The following SHROOM1 variants were observed in gnomAD, a reference collection of about 807,000 sequenced individuals.
SHROOM1 encodes the protein shroom family member 1.
A neutral mutation model predicts 64.2 loss-of-function variants in SHROOM1; 53 were observed. The observed-to-expected ratio is 0.83, with a 90% CI of 0.66 to 1.04. The LOEUF (loss-of-function observed/expected upper bound fraction) is 1.04, where lower values mean the gene tolerates loss of function less well. Ranked by LOEUF, SHROOM1 falls within the 50% of genes least tolerant of loss-of-function variation. SHROOM1 has a pLI of 0.00. For missense variants in SHROOM1, 1,179 were observed against 1,163.2 expected (o/e 1.01, Z -0.20); for synonymous variants, 490 against 518.9 (o/e 0.94, Z 0.76).
At chr5:132,824,573 T>C in intron 6 of SHROOM1, 42 bp downstream of exon 6, 1 of 1,577,492 alleles carries the variant, frequency 6.3e-7, no homozygotes, top group East Asian at 2.2e-5. Flanking sequence ...GATGTGTGTG[T>C]CAGGGGGTGC....
At position 132,824,307 on chromosome 5, in the gene SHROOM1, C is replaced by T. The variant is rs1255904489; in HGVS notation, c.1354G>A (p.Asp452Asn). Residue 452 changes from aspartate to asparagine, a missense_variant, in exon 7 of 10, where the codon GAC becomes AAC. Coordinates refer to ENST00000378679, the MANE Select transcript of SHROOM1 (RefSeq NM_001172700.2). The part of the protein sequence containing the change: ...HECPGTAGAD[D>N]CWQGVNGSVG... ...GAACCATTCACCCCCTGCCAGCAGT[C>T]ATCTGCCCCTGCAGTTCCTGGACAC... The T allele has an allele frequency of 3.1e-6, 5 of 1,613,398 alleles. No homozygotes were observed. Among genetic ancestry groups the T allele is most frequent in the Admixed American group, 1.7e-5 (1 of 59,978 alleles).
At position 132,825,123 on chromosome 5, in the gene SHROOM1, G is replaced by A; in HGVS notation, c.978+40C>T. The A allele has an allele frequency of 6.2e-7, 1 of 1,614,088 alleles. No homozygotes were observed. The highest frequency in any genetic ancestry group is 8.5e-7 in the Non-Finnish European group (1 of 1,179,992). ...AATGTGGCTCAAGTTTTGTTTCCCAGATGCTCCCCTCACCAGCCTGCATCT... is the reference window on the plus strand; with the variant it reads ...AATGTGGCTCAAGTTTTGTTTCCCAAATGCTCCCCTCACCAGCCTGCATCT... On this transcript the variant is annotated intron_variant, in intron 4 of 9. Transcript: ENST00000378679. This position sits in a 1 kb window ranked among gnomAD's most constrained non-coding sequence, Gnocchi z 5.1.
chr5:132,822,712 G>A lies in SHROOM1; in HGVS notation c.*84C>T, dbSNP rs371543075. 2 of 1,431,116 alleles carry A rather than the reference G, an allele frequency of 1.4e-6. No individual in the cohort carries two copies. Among genetic ancestry groups the A allele is most frequent in the African/African-American group, 2.9e-5 (2 of 69,900 alleles). 88.7% of individuals were successfully genotyped at this position (1,431,116 alleles called of 1,614,324 possible). A position where few individuals can be genotyped will look rare whatever the true frequency, so the allele number is the denominator to read the frequency against. On this transcript the variant is annotated 3_prime_UTR_variant, in exon 10 of 10. Coordinates refer to ENST00000378679, the MANE Select transcript of SHROOM1 (RefSeq NM_001172700.2). ...GACTGGGTCCTCCCCAATCCCTCAA[G>A]GGAAAAGCAGAGACTAAATCAGCAT...
In SHROOM1 at chr5:132,826,021, G is replaced by T. The variant is rs374646590; in HGVS notation, c.120C>A (p.Ser40=). 4.3e-5 allele frequency: 66 copies of T among 1,531,210 alleles called. No individual in the cohort carries two copies. The African/African-American group carries it at 8.1e-4, about 19-fold the overall frequency. The allele number at this position is 1,531,210 out of a possible 1,614,324, so 94.9% of individuals were successfully genotyped here. Residue 40 remains serine (S), a synonymous_variant, in exon 4 of 10, where the codon TCC becomes TCA. Coordinates refer to ENST00000378679, the MANE Select transcript of SHROOM1 (RefSeq NM_001172700.2). Reference sequence around the variant, plus strand: ...ACTGCGTGCGCGGCTCGGGGCCGCCGGAGGCTGCGGAGAAAGAGCTGTAGG... The same window carrying T: ...ACTGCGTGCGCGGCTCGGGGCCGCCTGAGGCTGCGGAGAAAGAGCTGTAGG... ...DSAYSSFSAA[S]GGPEPRTQSP...
chr5:132,825,122 A>T lies in SHROOM1; in HGVS notation c.978+41T>A, dbSNP rs1758618843. 1 of 1,613,970 alleles carries T rather than the reference A, an allele frequency of 6.2e-7. No individual in the cohort carries two copies. Among genetic ancestry groups the T allele is most frequent in the South Asian group, 1.1e-5 (1 of 91,060 alleles). ...AAATGTGGCTCAAGTTTTGTTTCCCAGATGCTCCCCTCACCAGCCTGCATC... is the reference window on the plus strand; with the variant it reads ...AAATGTGGCTCAAGTTTTGTTTCCCTGATGCTCCCCTCACCAGCCTGCATC... On this transcript the variant is annotated intron_variant, in intron 4 of 9. Transcript: ENST00000378679. The surrounding 1 kb of genome is among the most constrained non-coding windows in gnomAD (Gnocchi z 5.1).
At chr5:132,828,117 G>T (rs1758759022) in intron 1 of SHROOM1, among the ~76,000 whole-genome samples, 1 of 152,208 alleles carries the variant, frequency 6.6e-6, no homozygotes, top group African/African-American at 2.4e-5. Flanking sequence ...GGACCAAAAA[G>T]CAGGCTTATT....
chr5:132,829,056 G>A (rs1307491085), intron 1 of SHROOM1, among the ~76,000 whole-genome samples: 1 of 152,260 alleles, frequency 6.6e-6, no homozygotes, highest in African/African-American at 2.4e-5. Context: ...GCCTGTGCCG[G>A]CTGCTGAAAG....
In SHROOM1 at chr5:132,825,595, AGTCGCCGGG is replaced by A; in HGVS notation, c.537_545del (p.Pro180_Thr182del). The A allele has an allele frequency of 7.2e-7, 1 of 1,383,464 alleles. No homozygotes were observed. The highest frequency in any genetic ancestry group is 1.6e-5 in the South Asian group (1 of 60,942). The allele number at this position is 1,383,464 out of a possible 1,614,324, so 85.7% of individuals were successfully genotyped here. A position where few individuals can be genotyped will look rare whatever the true frequency, so the allele number is the denominator to read the frequency against. ...GGCTGAGCGAGGCGGAGCGCGGGTG[AGTCGCCGGG>A]GGCCGCGCTGGGACAGTGGGCCGCA... On this transcript the variant is annotated inframe_deletion, in exon 4 of 10. Transcript: ENST00000378679. This position sits in a 1 kb window ranked among gnomAD's most constrained non-coding sequence, Gnocchi z 5.1.
Position 132,825,737 on chromosome 5 carries a change from G to A in SHROOM1, c.404C>T (p.Pro135Leu). 1 of 1,264,174 alleles carries A rather than the reference G, an allele frequency of 7.9e-7. No individual in the cohort carries two copies. The highest frequency in any genetic ancestry group is 3.1e-5 in the South Asian group (1 of 32,400). 78.3% of individuals were successfully genotyped at this position (1,264,174 alleles called of 1,614,324 possible). The change falls in exon 4 of 10, where the codon CCG (proline) becomes CTG (leucine). Residue 135 changes from proline to leucine, a missense_variant. Physicochemically the swap from Pro to Leu is moderately conservative, Grantham distance 98. Coordinates refer to ENST00000378679, the MANE Select transcript of SHROOM1 (RefSeq NM_001172700.2). The surrounding 1 kb of genome is among the most constrained non-coding windows in gnomAD (Gnocchi z 5.1). ...AAQAAEPPSPPASRAAYRQRL... is the reference protein window; with the variant it reads ...AAQAAEPPSPLASRAAYRQRL... ...CTGGCGGTAGGCGGCCCTCGAGGCCGGCGGGCTGGGCGGCTCGGCAGCCTG... is the reference window on the plus strand; with the variant it reads ...CTGGCGGTAGGCGGCCCTCGAGGCCAGCGGGCTGGGCGGCTCGGCAGCCTG...
Position 132,822,989 on chromosome 5 carries a change from T to A in SHROOM1, c.2366A>T (p.Tyr789Phe). Reference protein sequence around the residue: ...RALPVEELRVYCALLAGKAAV... With the variant: ...RALPVEELRVFCALLAGKAAV... The stretch of plus-strand genomic sequence containing the variant: ...GGCCTTGCCCGCCAGCAGGGCGCAA[T>A]AGACGCGCAGCTCCTCCACCGGTAG... Residue 789 changes from tyrosine (Y) to phenylalanine (F), a missense_variant, in exon 10 of 10, where the codon TAT (tyrosine) becomes TTT (phenylalanine). Coordinates refer to ENST00000378679, the MANE Select transcript of SHROOM1 (RefSeq NM_001172700.2). 6.2e-7 allele frequency: 1 copy of A among 1,607,784 alleles called. No individual in the cohort carries two copies. Among genetic ancestry groups the A allele is most frequent in the Non-Finnish European group, 8.5e-7 (1 of 1,179,730 alleles).
chr5:132,825,605 G>C lies in SHROOM1; in HGVS notation c.536C>G (p.Pro179Arg). ...ARLRPTVPAR[P>R]PATHPRSASL... The stretch of plus-strand genomic sequence containing the variant: ...GGCGGAGCGCGGGTGAGTCGCCGGG[G>C]GCCGCGCTGGGACAGTGGGCCGCAG... Residue 179 changes from proline to arginine, a missense_variant, in exon 4 of 10, where the codon CCC (proline) becomes CGC (arginine). Physicochemically the swap from Pro to Arg is moderately radical, Grantham distance 103. Transcript: ENST00000378679. The surrounding 1 kb of genome is among the most constrained non-coding windows in gnomAD (Gnocchi z 5.1). 7.3e-7 allele frequency: 1 copy of C among 1,377,464 alleles called. No individual in the cohort carries two copies. The highest frequency in any genetic ancestry group is 3.7e-5 in the Admixed American group (1 of 26,950). The allele number at this position is 1,377,464 out of a possible 1,614,324, so 85.3% of individuals were successfully genotyped here. A position where few individuals can be genotyped will look rare whatever the true frequency, so the allele number is the denominator to read the frequency against.
chr5:132,829,756 G>C, intron 1 of SHROOM1: 2 of 985,456 alleles, frequency 2.0e-6, no homozygotes, highest in Non-Finnish European at 2.4e-6. Flanking sequence ...TCAAAACCCA[G>C]TACCCGCAGC....
chr5:132,825,485 C>T lies in SHROOM1; in HGVS notation c.656G>A (p.Arg219Gln). The T allele has an allele frequency of 1.3e-6, 2 of 1,527,304 alleles. No homozygotes were observed. The highest frequency in any genetic ancestry group is 1.8e-6 in the Non-Finnish European group (2 of 1,142,112). The allele number at this position is 1,527,304 out of a possible 1,614,324, so 94.6% of individuals were successfully genotyped here. A position where few individuals can be genotyped will look rare whatever the true frequency, so the allele number is the denominator to read the frequency against. Reference sequence around the variant, plus strand: ...TCCTGGCTCTGAGAAGCACCACTTCCGCTGCTGGTTGGCGAGGGGACCCCG... The same window carrying T: ...TCCTGGCTCTGAGAAGCACCACTTCTGCTGCTGGTTGGCGAGGGGACCCCG... ...AGRGPLANQQ[R>Q]KWCFSEPGKL... Residue 219 changes from arginine to glutamine, a missense_variant, in exon 4 of 10, where the codon CGG (arginine) becomes CAG (glutamine). Physicochemically the swap from Arg to Gln is conservative, Grantham distance 43. Coordinates refer to ENST00000378679, the MANE Select transcript of SHROOM1 (RefSeq NM_001172700.2). This position sits in a 1 kb window ranked among gnomAD's most constrained non-coding sequence, Gnocchi z 5.1.
rs1208571080 is a variant in SHROOM1, at chr5:132,825,506, C to T, written c.635G>A (p.Gly212Asp). Residue 212 changes from glycine (G) to aspartate (D), a missense_variant, in exon 4 of 10, where the codon GGT (glycine) becomes GAT (aspartate). Transcript: ENST00000378679. This position sits in a 1 kb window ranked among gnomAD's most constrained non-coding sequence, Gnocchi z 5.1. ...CTTCCGCTGCTGGTTGGCGAGGGGA[C>T]CCCGGCCGGCAGTTCCTGGCGCGGG... ...RAPAPGTAGRGPLANQQRKWC... is the reference protein window; with the variant it reads ...RAPAPGTAGRDPLANQQRKWC... The T allele has an allele frequency of 2.7e-6, 4 of 1,491,420 alleles. No individual in the cohort carries two copies. Among genetic ancestry groups the T allele is most frequent in the South Asian group, 1.3e-5 (1 of 75,564 alleles). The allele number at this position is 1,491,420 out of a possible 1,614,324, so 92.4% of individuals were successfully genotyped here.
At position 132,825,310 on chromosome 5, in the gene SHROOM1, G is replaced by C. The variant is rs770933631; in HGVS notation, c.831C>G (p.Pro277=). Residue 277 remains proline, a synonymous_variant, in exon 4 of 10, where the codon CCC becomes CCG. Transcript: ENST00000378679. This position sits in a 1 kb window ranked among gnomAD's most constrained non-coding sequence, Gnocchi z 5.1. Reference sequence around the variant, plus strand: ...TCATGGAGCCTTGGGGTTGCGTCTCGGGCAGCCATCCGACCTCGTGATCTT... The same window carrying C: ...TCATGGAGCCTTGGGGTTGCGTCTCCGGCAGCCATCCGACCTCGTGATCTT... ...KFEDHEVGWL[P]ETQPQGSMNL... 6.2e-7 allele frequency: 1 copy of C among 1,610,918 alleles called. No homozygotes were observed. The highest frequency in any genetic ancestry group is 2.2e-5 in the East Asian group (1 of 44,820).
rs1248844889 is a variant in SHROOM1, at chr5:132,825,163, C to A, written c.978G>T (p.Gln326His). ...AGCCTGCATCTCCTGACTTCCATAC[C>A]TGGACAATGGGTATGGTCCCTCCTG... ...GGSGGTIPIV[Q>H]AVPQGAETPR... The change falls in exon 4 of 10, where the codon CAG (glutamine) becomes CAT (histidine). Residue 326 changes from glutamine to histidine, a missense_variant and splice_region_variant. Gln to His is a conservative substitution (Grantham distance 24). Transcript: ENST00000378679. This position sits in a 1 kb window ranked among gnomAD's most constrained non-coding sequence, Gnocchi z 5.1. The A allele has an allele frequency of 6.2e-7, 1 of 1,614,176 alleles. No homozygotes were observed. The highest frequency in any genetic ancestry group is 1.7e-5 in the Admixed American group (1 of 60,022).
chr5:132,828,221 G>A (rs1452670032), intron 1 of SHROOM1, among the ~76,000 whole-genome samples: 1 of 152,080 alleles, frequency 6.6e-6, no homozygotes. Context: ...GGGCAAGGAT[G>A]GGGGTTAGTG....
In SHROOM1 at chr5:132,822,351, CTTTTTTTTTTTTTTTTTTT is replaced by C; in HGVS notation, c.*426_*444del. ...ACATGAGAACACTTTGGAGAAGTAT[CTTTTTTTTTTTTTTTTTTT>C]TTTTTTTTTTTGAGACGGAGTCTTG... is the stretch of plus-strand genomic sequence containing the variant. On this transcript the variant is annotated 3_prime_UTR_variant, in exon 10 of 10. Transcript: ENST00000378679. 3.4e-5 allele frequency: 2 copies of C among 58,664 alleles called. 1 individual carries two copies. The highest frequency in any genetic ancestry group is 5.9e-5 in the Non-Finnish European group (2 of 33,846). 3.6% of individuals were successfully genotyped at this position (58,664 alleles called of 1,614,324 possible).
At position 132,825,259 on chromosome 5, in the gene SHROOM1, G is replaced by A. The variant is rs751105443; in HGVS notation, c.882C>T (p.Leu294=). The change falls in exon 4 of 10, where the codon CTC becomes CTT. Residue 294 remains leucine (L), a synonymous_variant. Transcript: ENST00000378679. This position sits in a 1 kb window ranked among gnomAD's most constrained non-coding sequence, Gnocchi z 5.1. ...SMNLDSGSLK[L]GDAFRPASRS... is the part of the protein sequence containing the mutation. ...GACTGGCGGGCCTGAAGGCATCACC[G>A]AGCTTCAAGGACCCGGAGTCCAGGT... 2 of 1,613,626 alleles carry A rather than the reference G, an allele frequency of 1.2e-6. No homozygotes were observed. The highest frequency in any genetic ancestry group is 1.7e-6 in the Non-Finnish European group (2 of 1,179,950).
Sources: allele counts gnomAD v4.1 joint callset (sites outside exome capture counted in the v4.1 genomes callset), GRCh38; gene constraint gnomAD v4.1.1; non-coding constraint Gnocchi (gnomAD v3.1); transcripts MANE v1.5; gene names NCBI Gene and HGNC (gene_info 2026-07-23, HGNC 2026-07-21).